Variants in HOXA3 observed in about 807,000 individuals in gnomAD.
HOXA3 encodes the protein homeobox protein Hox-A3.
A neutral mutation model predicts 30.3 loss-of-function variants in HOXA3; 8 were observed. The observed-to-expected ratio is 0.26, with a 90% CI of 0.15 to 0.48. The LOEUF is 0.48. Among genes scored for constraint, HOXA3 ranks in the 20% least tolerant of loss-of-function variants. The pLI, the probability that HOXA3 is intolerant of heterozygous loss-of-function variation, is 0.99. For synonymous variants in HOXA3, 323 were observed against 273.1 expected (o/e 1.18, Z -1.80); for missense variants, 653 against 614.4 (o/e 1.06, Z -0.66).
intron 2 of HOXA3, chr7:27,130,513 T>A: frequency 7.6e-7 from 1 of 1,321,308 alleles, no homozygotes; most frequent in Non-Finnish European, 9.7e-7. Context: ...CCGCGGCGCG[T>A]AGTAGGAGGC....
intron 3 of HOXA3, chr7:27,124,095 T>C (rs1010556479): frequency 2.0e-5 from 3 of 152,240 alleles, no homozygotes; most frequent in Non-Finnish European, 4.4e-5. Flanking sequence ...TTTTGCTGTT[T>C]CCTTATCTCC....
intron 4 of HOXA3, among the ~76,000 whole-genome samples, chr7:27,111,220 T>C (rs1199521757): frequency 1.3e-5 from 2 of 152,158 alleles, no homozygotes; most frequent in African/African-American, 4.8e-5. Flanking sequence ...TCGCCAATGT[T>C]TTCTCCGCTT....
At chr7:27,130,643 C>G in intron 2 of HOXA3, 1 of 1,595,256 alleles carries the variant, frequency 6.3e-7, no homozygotes, top group African/African-American at 1.3e-5. Flanking sequence ...CCGTCTGCGC[C>G]GCCCGAGCCG....
intron 2 of HOXA3, among the ~76,000 whole-genome samples, chr7:27,134,837 A>T (rs1017061535): frequency 1.3e-5 from 2 of 152,238 alleles, no homozygotes; most frequent in Non-Finnish European, 2.9e-5. Flanking sequence ...TATTGGGATG[A>T]TCTTAAACAT....
chr7:27,145,715 C>A, intron 1 of HOXA3: 2 of 1,614,226 alleles, frequency 1.2e-6, no homozygotes, highest in Non-Finnish European at 1.7e-6. Context: ...AATTGATGAG[C>A]TTGTTTTCCT....
intron 3 of HOXA3, among the ~76,000 whole-genome samples, chr7:27,126,424 G>A (rs1372034623): frequency 6.7e-6 from 1 of 150,036 alleles, no homozygotes; most frequent in Non-Finnish European, 1.5e-5. Context: ...AGGATTTGAG[G>A]GGCCAGTAGG....
intron 4 of HOXA3, chr7:27,121,323 G>C (rs1197817392): frequency 3.3e-5 from 5 of 151,398 alleles, no homozygotes; most frequent in African/African-American, 7.3e-5. Context: ...TAGAGAAATG[G>C]GCCAAGTTCT....
intron 2 of HOXA3, among the ~76,000 whole-genome samples, chr7:27,133,570 T>G (rs1236145319): frequency 6.6e-6 from 1 of 152,182 alleles, no homozygotes; most frequent in Non-Finnish European, 1.5e-5. Flanking sequence ...ATAACATATA[T>G]TCCCAACAAA....
intron 4 of HOXA3, among the ~76,000 whole-genome samples, chr7:27,112,757 C>T (rs958524985): frequency 2.0e-5 from 3 of 151,016 alleles, no homozygotes; most frequent in African/African-American, 7.4e-5. Context: ...ATTAGACACT[C>T]GAACAGCAAG....
chr7:27,109,571 C>T (rs996315159), intron 5 of HOXA3, among the ~76,000 whole-genome samples: 5 of 152,206 alleles, frequency 3.3e-5, no homozygotes, highest in African/African-American at 7.2e-5. Context: ...TCTGCATCCC[C>T]CTCCCCCAGG....
At chr7:27,121,930 G>A (rs892606318) in intron 4 of HOXA3, 1 of 152,672 alleles carries the variant, frequency 6.5e-6, no homozygotes, top group Non-Finnish European at 1.5e-5. Flanking sequence ...AAAAGGAAAC[G>A]CCAAGACATA....
intron 4 of HOXA3, among the ~76,000 whole-genome samples, chr7:27,111,310 G>A (rs143007259): frequency 6.6e-6 from 1 of 152,182 alleles, no homozygotes; most frequent in African/African-American, 2.4e-5. Context: ...CTGCTCCCAA[G>A]AGAGGTTTGC....
chr7:27,134,196 A>C (rs529803645), intron 2 of HOXA3: 1 of 152,194 alleles, frequency 6.6e-6, no homozygotes, highest in Non-Finnish European at 1.5e-5. Context: ...CACCACCTAC[A>C]CTAGACACAA....
At chr7:27,151,021 C>T (rs947867210) in intron 1 of HOXA3, 1 of 152,338 alleles carries the variant, frequency 6.6e-6, no homozygotes, top group Non-Finnish European at 1.5e-5. Flanking sequence ...AATAATCGGC[C>T]CGCGGCAGCC....
At chr7:27,128,228 G>C (rs1785365464) in intron 2 of HOXA3, 1 of 152,228 alleles carries the variant, frequency 6.6e-6, no homozygotes, top group African/African-American at 2.4e-5. Flanking sequence ...GCCTTACAGA[G>C]ACTTGAAGCC....
chr7:27,125,792 T>A (rs903863222), intron 3 of HOXA3, among the ~76,000 whole-genome samples: 1 of 152,216 alleles, frequency 6.6e-6, no homozygotes, highest in African/African-American at 2.4e-5. Context: ...TTCTCTTTCA[T>A]TCTAAAGAGT....
intron 2 of HOXA3, among the ~76,000 whole-genome samples, chr7:27,138,716 A>T (rs1005529655): frequency 1.3e-5 from 2 of 152,216 alleles, no homozygotes; most frequent in African/African-American, 4.8e-5. Context: ...TGTGCCCAGG[A>T]TAAACTTATT....
At chr7:27,149,863 C>A (rs1782910043) in intron 1 of HOXA3, among the ~76,000 whole-genome samples, 1 of 152,146 alleles carries the variant, frequency 6.6e-6, no homozygotes, top group Non-Finnish European at 1.5e-5. Context: ...AAAATGAAAA[C>A]AACCGTTTGG....
chr7:27,111,613 C>T (rs996138617), intron 4 of HOXA3, among the ~76,000 whole-genome samples: 3 of 152,070 alleles, frequency 2.0e-5, no homozygotes, highest in Admixed American at 1.3e-4. Flanking sequence ...TCAGGCACTT[C>T]CCAGCAAGCC....
Sources: allele counts gnomAD v4.1 joint callset (sites outside exome capture counted in the v4.1 genomes callset), GRCh38; gene constraint gnomAD v4.1.1; transcripts MANE v1.5; gene names NCBI Gene and HGNC (gene_info 2026-07-23, HGNC 2026-07-21).